The following LIN9 variants were observed in gnomAD, a reference collection of about 807,000 sequenced individuals.
The protein encoded by LIN9 is lin-9 DREAM MuvB core complex component.
In LIN9, 18 loss-of-function variants were observed where a neutral mutation model predicts 78.0. The ratio of observed to expected loss-of-function variants is 0.23; its 90% CI spans 0.16 to 0.34. LIN9 has a LOEUF of 0.34. Ranked by LOEUF, LIN9 falls within the 10% of genes least tolerant of loss-of-function variation. The pLI is 1.00. For synonymous variants in LIN9, 192 were observed against 215.2 expected (o/e 0.89, Z 0.94); for missense variants, 451 against 644.1 (o/e 0.70, Z 3.25).
At chr1:226,238,939 A>G (rs1395727656) in intron 12 of LIN9, 32 bp downstream of exon 12, 1 of 1,590,074 alleles carries the variant, frequency 6.3e-7, no homozygotes, top group South Asian at 1.1e-5. Context: ...TTCAAATACA[A>G]ATATGGAGGG....
chr1:226,309,747 C>T, upstream of LIN9: 1 of 1,287,710 alleles, frequency 7.8e-7, no homozygotes, highest in East Asian at 5.6e-5. Flanking sequence ...CCCTCGCGAT[C>T]CGGGCACGCC....
rs1435842399 is a variant in LIN9, at chr1:226,231,595, G to A, written c.*906C>T. 1 of 152,250 alleles carries A rather than the reference G, an allele frequency of 6.6e-6. No homozygotes were observed. Among genetic ancestry groups the A allele is most frequent in the East Asian group, 1.9e-4 (1 of 5,198 alleles). The allele number at this position is 152,250 out of a possible 1,614,324, so 9.4% of individuals were successfully genotyped here. ...CCTTTCTTCTGCATTTCACAGCACT[G>A]GTTATTATATTTGTTTTCCTTATAA... On this transcript the variant is annotated 3_prime_UTR_variant, in exon 15 of 15. Coordinates refer to ENST00000681046, the MANE Select transcript of LIN9 (RefSeq NM_001366245.2).
intron 1 of LIN9, among the ~76,000 whole-genome samples, chr1:226,308,528 CCT>C (rs1401118016): frequency 6.6e-6 from 1 of 152,100 alleles, no homozygotes; most frequent in South Asian, 2.1e-4. Context: ...AGGGGCCAAC[CCT>C]CTGACACGGA....
At chr1:226,250,031 G>A (rs954056837) in intron 11 of LIN9, among the ~76,000 whole-genome samples, 2 of 151,988 alleles carry the variant, frequency 1.3e-5, no homozygotes, top group Admixed American at 6.6e-5. Context: ...TTAGCTGGTC[G>A]TGGTGGTGTG....
intron 6 of LIN9, among the ~76,000 whole-genome samples, chr1:226,285,780 TA>T (rs1368835684): frequency 6.6e-6 from 1 of 152,154 alleles, no homozygotes; most frequent in African/African-American, 2.4e-5. Flanking sequence ...CCTGAGATTA[TA>T]AAGGATTTCA....
At chr1:226,281,639 G>T (rs1268087570) in intron 6 of LIN9, among the ~76,000 whole-genome samples, 2 of 151,178 alleles carry the variant, frequency 1.3e-5, no homozygotes, top group Non-Finnish European at 2.9e-5. Context: ...AAGTCTTCTT[G>T]ACATAAGAAC....
chr1:226,300,958 TAATC>T, intron 2 of LIN9, among the ~76,000 whole-genome samples: 1 of 152,360 alleles, frequency 6.6e-6, no homozygotes, highest in East Asian at 1.9e-4. Flanking sequence ...GAAAGGTTTT[TAATC>T]AATAATTTTA....
At chr1:226,284,102 TG>T (rs1427951049) in intron 6 of LIN9, among the ~76,000 whole-genome samples, 11 of 152,344 alleles carry the variant, frequency 7.2e-5, no homozygotes, top group African/African-American at 2.6e-4. Flanking sequence ...GAGAACAACT[TG>T]TTTTTTTCTA....
In LIN9 at chr1:226,275,691, C is replaced by CAAAAA. The variant is rs1315376373; in HGVS notation, c.682+2083_682+2084insTTTTT. 6.4e-4 allele frequency among the ~76,000 whole-genome samples: 28 copies of CAAAAA among 43,418 alleles called. 3 individuals are homozygous for CAAAAA. Among genetic ancestry groups the CAAAAA allele is most frequent in the African/African-American group, 1.3e-3 (13 of 10,328 alleles). The allele number at this position is 43,418 out of a possible 152,430, so 28.5% of individuals were successfully genotyped here. On this transcript the variant is annotated intron_variant, in intron 7 of 14. Transcript: ENST00000681046. Reference sequence around the variant, plus strand: ...CTGGCAACAGAGCAAGACTCCGTCTCAGAAAAAAAAAAAAAAAAAAAGAAA... The same window carrying CAAAAA: ...CTGGCAACAGAGCAAGACTCCGTCTCAAAAAAGAAAAAAAAAAAAAAAAAAAGAAA...
chr1:226,244,914 G>A (rs989190880), intron 11 of LIN9, among the ~76,000 whole-genome samples: 1 of 152,170 alleles, frequency 6.6e-6, no homozygotes, highest in Non-Finnish European at 1.5e-5. Flanking sequence ...GAACATTCAG[G>A]TTGTTTCTAA....
At position 226,281,656 on chromosome 1, in the gene LIN9, C is replaced by A. The variant is rs1339656714; in HGVS notation, c.525-3724G>T. Among the ~76,000 whole-genome samples the A allele has an allele frequency of 2.0e-5, 3 of 151,668 alleles. No homozygotes were observed. In the East Asian group the frequency reaches 5.8e-4, roughly 29 times the overall value. On this transcript the variant is annotated intron_variant, in intron 6 of 14. Transcript: ENST00000681046. ...GTCTTCTTGACATAAGAACCCAGGA[C>A]CCATACTATTTCCCTATAGTTGACA...
At chr1:226,285,508 C>T (rs1661336972) in intron 6 of LIN9, among the ~76,000 whole-genome samples, 1 of 152,080 alleles carries the variant, frequency 6.6e-6, no homozygotes, top group African/African-American at 2.4e-5. Flanking sequence ...AACTTTCCCA[C>T]CATTTAAAAT....
chr1:226,279,544 C>T (rs1660902760), intron 6 of LIN9, among the ~76,000 whole-genome samples: 1 of 147,856 alleles, frequency 6.8e-6, no homozygotes, highest in Non-Finnish European at 1.5e-5. Context: ...GGATGGACTG[C>T]CTGAGCTCAG....
At chr1:226,243,876 A>AATT (rs10658121) in intron 11 of LIN9, among the ~76,000 whole-genome samples, 104,972 of 149,508 alleles carry the variant, frequency 0.7, 37,001 homozygotes, top group East Asian at 0.74. Context: ...TACAATTAAA[A>AATT]ATTATTATTA....
intron 6 of LIN9, among the ~76,000 whole-genome samples, chr1:226,283,277 A>ATTTT (rs1558192477): frequency 1.0e-5 from 1 of 97,490 alleles, no homozygotes; most frequent in African/African-American, 4.2e-5. Context: ...GTAATTTTTG[A>ATTTT]ATTTTTTTTT....
At chr1:226,233,036 T>G (rs1242000980) in intron 14 of LIN9, 60 bp downstream of exon 14, 1 of 1,000,188 alleles carries the variant, frequency 1.0e-6, no homozygotes, top group Non-Finnish European at 1.5e-6. Context: ...TCTTAAAACC[T>G]GGACTGAAAA....
chr1:226,294,399 G>A (rs1235986748), intron 4 of LIN9, among the ~76,000 whole-genome samples: 1 of 151,826 alleles, frequency 6.6e-6, no homozygotes, highest in Admixed American at 6.6e-5. Flanking sequence ...TGACTAACAT[G>A]CAGAAACCCC....
intron 4 of LIN9, among the ~76,000 whole-genome samples, chr1:226,289,581 C>G (rs1661593528): frequency 6.6e-6 from 1 of 151,828 alleles, no homozygotes. Flanking sequence ...AGGTTGGTCC[C>G]AAACTCCTGG....
rs189642316 is a variant in LIN9, at chr1:226,235,278, C to T, written c.1246-1755G>A. Among the ~76,000 whole-genome samples the T allele has an allele frequency of 4.2e-3, 622 of 147,646 alleles. 5 individuals carry two copies. Among genetic ancestry groups the T allele is most frequent in the African/African-American group, 0.015 (589 of 39,730 alleles). On this transcript the variant is annotated intron_variant, in intron 12 of 14. Transcript: ENST00000681046. ...CAGAGGTTGCAGTGAACCGAGATTGCGCCCCTGTACTCCAGCCTGGTGGAC... is the reference window on the plus strand; with the variant it reads ...CAGAGGTTGCAGTGAACCGAGATTGTGCCCCTGTACTCCAGCCTGGTGGAC...
Sources: gnomAD v4.1 joint callset for allele counts (sites outside exome capture counted in the v4.1 genomes callset) on GRCh38, gnomAD v4.1.1 for gene constraint, MANE v1.5 for transcripts, NCBI Gene and HGNC (gene_info 2026-07-23, HGNC 2026-07-21) for gene names.